GABRB3: variants seen among roughly 807,000 people sequenced by gnomAD.
GABRB3 encodes the protein gamma-aminobutyric acid receptor subunit beta-3.
In GABRB3, 14 loss-of-function variants were observed where a neutral mutation model predicts 52.1. That is an observed-to-expected ratio of 0.27 (90% CI 0.18 to 0.42). The LOEUF (loss-of-function observed/expected upper bound fraction) is 0.42. Ranked by LOEUF, GABRB3 falls within the 10% of genes least tolerant of loss-of-function variation. GABRB3 has a pLI of 1.00. For synonymous variants in GABRB3, 260 were observed against 232.3 expected (o/e 1.12, Z -1.08); for missense variants, 307 against 609.1 (o/e 0.50, Z 5.22).
chr15:26,642,418 T>C (rs1893227565), intron 3 of GABRB3: 2 of 1,209,702 alleles, frequency 1.7e-6, no homozygotes, highest in African/African-American at 1.6e-5. Flanking sequence ...ACTGTGTATA[T>C]ATATGTATAC....
intron 8 of GABRB3, among the ~76,000 whole-genome samples, chr15:26,552,019 T>C (rs1489045419): frequency 1.3e-5 from 2 of 152,170 alleles, no homozygotes; most frequent in East Asian, 3.9e-4. Flanking sequence ...TTTTTTTTTT[T>C]TTTTGAGATA....
At chr15:26,582,578 G>T (rs1270998436) in intron 5 of GABRB3, among the ~76,000 whole-genome samples, 1 of 151,480 alleles carries the variant, frequency 6.6e-6, no homozygotes, top group Non-Finnish European at 1.5e-5. Context: ...CCTCACCCAG[G>T]ATCTACACTA....
chr15:26,550,374 C>A (rs554341399), intron 8 of GABRB3, among the ~76,000 whole-genome samples: 2 of 152,126 alleles, frequency 1.3e-5, no homozygotes, highest in East Asian at 1.9e-4. Context: ...ATACAAAAGG[C>A]CAACAGGCAC....
At chr15:26,566,323 G>A (rs565278307) in intron 7 of GABRB3, among the ~76,000 whole-genome samples, 14 of 152,048 alleles carry the variant, frequency 9.2e-5, no homozygotes, top group Non-Finnish European at 1.8e-4. Context: ...ATCTGATCTT[G>A]ATTACAACTA....
chr15:26,675,477 A>T lies in GABRB3; in HGVS notation c.241-53943T>A, dbSNP rs148657946. Among the ~76,000 whole-genome samples, 333 of 152,202 alleles carry T rather than the reference A, an allele frequency of 2.2e-3. 1 individual carries two copies. Among genetic ancestry groups the T allele is most frequent in the African/African-American group, 7.5e-3 (311 of 41,538 alleles). The stretch of plus-strand genomic sequence containing the variant: ...TGTGTGAGTGTGTGTGCGTGTTGGG[A>T]GTAGAGGTAAGCAGTGTTAAAAATG... On this transcript the variant is annotated intron_variant, in intron 3 of 8. Transcript: ENST00000311550.
intron 3 of GABRB3, among the ~76,000 whole-genome samples, chr15:26,740,256 G>A (rs1244703137): frequency 3.3e-5 from 5 of 152,108 alleles, no homozygotes; most frequent in Non-Finnish European, 7.4e-5. Context: ...ACACTCCAAT[G>A]AGCCAACACT....
rs930003696 is a variant in GABRB3, at chr15:26,751,818, G to GA, written c.240+20583dup. Among the ~76,000 whole-genome samples the GA allele has an allele frequency of 2.8e-4, 42 of 151,514 alleles. 1 individual carries two copies. Among genetic ancestry groups the GA allele is most frequent in the African/African-American group, 1.0e-3 (42 of 41,172 alleles). On this transcript the variant is annotated intron_variant, in intron 3 of 8. Coordinates refer to ENST00000311550, the MANE Select transcript of GABRB3 (RefSeq NM_000814.6). ...CTAATTTCAGATTTTTATTTTTTAG[G>GA]AAAAAAAGCCATGTTCTTGCACCAC...
chr15:26,683,102 C>CA (rs3046018), intron 3 of GABRB3, among the ~76,000 whole-genome samples: 2 of 151,968 alleles, frequency 1.3e-5, no homozygotes, highest in Non-Finnish European at 2.9e-5. Context: ...GAGCTGCTCA[C>CA]AAAAAACTCT....
At chr15:26,622,432 A>G (rs561809388) in intron 3 of GABRB3, among the ~76,000 whole-genome samples, 2 of 152,344 alleles carry the variant, frequency 1.3e-5, no homozygotes, top group Admixed American at 6.5e-5. Flanking sequence ...ATCTAGTGAT[A>G]TTCACAGGAC....
chr15:26,573,571 GGTTAC>G (rs1363804388), intron 6 of GABRB3, among the ~76,000 whole-genome samples: 1 of 152,124 alleles, frequency 6.6e-6, no homozygotes, highest in African/African-American at 2.4e-5. Context: ...TTTTTGAGAA[GGTTAC>G]TATCCTCTCT....
chr15:26,670,721 G>A (rs1000325175), intron 3 of GABRB3, among the ~76,000 whole-genome samples: 16 of 152,102 alleles, frequency 1.1e-4, no homozygotes, highest in African/African-American at 3.6e-4. Flanking sequence ...TGAGCAATTT[G>A]ATGAGATTCA....
intron 3 of GABRB3, among the ~76,000 whole-genome samples, chr15:26,628,163 G>A (rs1892778566): frequency 6.6e-6 from 1 of 152,382 alleles, no homozygotes; most frequent in Non-Finnish European, 1.5e-5. Context: ...AGACTACAAT[G>A]TAGTATAAAC....
At chr15:26,736,191 C>T (rs1890061993) in intron 3 of GABRB3, among the ~76,000 whole-genome samples, 1 of 152,128 alleles carries the variant, frequency 6.6e-6, no homozygotes, top group South Asian at 2.1e-4. Context: ...GCATTTAATG[C>T]AACTAACCTG....
At chr15:26,741,509 G>A (rs148465333) in intron 3 of GABRB3, among the ~76,000 whole-genome samples, 11 of 152,196 alleles carry the variant, frequency 7.2e-5, no homozygotes, top group East Asian at 1.9e-4. Context: ...GGTCACTTCC[G>A]GTTTATATAC....
At chr15:26,772,556 G>A in intron 2 of GABRB3, 87 bp from the exon 3 acceptor site, 1 of 1,479,610 alleles carries the variant, frequency 6.8e-7, no homozygotes, top group South Asian at 1.2e-5. Context: ...CCCAGGAGGG[G>A]CGCGGGCGAA....
intron 3 of GABRB3, 146 bp downstream of exon 3, chr15:26,772,256 G>T: frequency 1.5e-6 from 1 of 660,166 alleles, no homozygotes. Flanking sequence ...CAAGCGAGGG[G>T]CCGGCGCCTG....
chr15:26,707,425 G>A (rs148455155), intron 3 of GABRB3, among the ~76,000 whole-genome samples: 147 of 152,284 alleles, frequency 9.7e-4, no homozygotes, highest in African/African-American at 2.6e-3. Flanking sequence ...TGGAAAAGAC[G>A]GCAGAGACTT....
chr15:26,771,633 T>C (rs991191341), intron 3 of GABRB3, among the ~76,000 whole-genome samples: 4 of 152,244 alleles, frequency 2.6e-5, no homozygotes, highest in African/African-American at 7.2e-5. Context: ...AAAGCACTCC[T>C]GGCAAAAGCC....
rs1222234126 is a variant in GABRB3, at chr15:26,621,772, T to G, written c.241-238A>C. Among the ~76,000 whole-genome samples, 10 of 152,170 alleles carry G rather than the reference T, an allele frequency of 6.6e-5. No homozygotes were observed. The highest frequency in any genetic ancestry group is 6.5e-4 in the Admixed American group (10 of 15,282). Reference sequence around the variant, plus strand: ...ATAGATGTCCTCTGTTTTACTTAGGTTAAGAAGCAGACTAGACAAACTGGC... The same window carrying G: ...ATAGATGTCCTCTGTTTTACTTAGGGTAAGAAGCAGACTAGACAAACTGGC... On this transcript the variant is annotated intron_variant, in intron 3 of 8. Coordinates refer to ENST00000311550, the MANE Select transcript of GABRB3 (RefSeq NM_000814.6). This position sits in a 1 kb window ranked among gnomAD's most constrained non-coding sequence, Gnocchi z 4.1.
Sources: gnomAD v4.1 joint callset for allele counts (sites outside exome capture counted in the v4.1 genomes callset) on GRCh38, gnomAD v4.1.1 for gene constraint, Gnocchi (gnomAD v3.1) non-coding constraint, MANE v1.5 for transcripts, NCBI Gene and HGNC (gene_info 2026-07-23, HGNC 2026-07-21) for gene names.